BNC2: variants seen among roughly 807,000 people sequenced by gnomAD.
BNC2 encodes basonuclin zinc finger protein 2.
A neutral mutation model predicts 76.3 loss-of-function variants in BNC2; 20 were observed. The ratio of observed to expected loss-of-function variants is 0.26; its 90% CI spans 0.18 to 0.38. BNC2 has a LOEUF of 0.38. Ranked by LOEUF, BNC2 falls within the 10% of genes least tolerant of loss-of-function variation. The probability of loss-of-function intolerance (pLI) is 1.00; values close to 1 mark genes in which losing one functional copy is unlikely to be tolerated. For synonymous variants in BNC2, 582 were observed against 514.8 expected, an observed-to-expected ratio of 1.13 and a Z score of -1.77; for missense variants, 1,382 against 1,399.8, an observed-to-expected ratio of 0.99 and a Z score of 0.20.
intron 3 of BNC2, among the ~76,000 whole-genome samples, chr9:16,647,148 G>A (rs1353052000): frequency 1.3e-5 from 2 of 152,168 alleles, no homozygotes; most frequent in Non-Finnish European, 2.9e-5. Context: ...ACATATGGTT[G>A]TGTTTTCCTG....
intron 4 of BNC2, among the ~76,000 whole-genome samples, chr9:16,556,381 T>C (rs550833383): frequency 6.6e-6 from 1 of 152,176 alleles, no homozygotes; most frequent in South Asian, 2.1e-4. Flanking sequence ...GGACTAGATA[T>C]TTAATGGAAG....
chr9:16,689,502 T>C (rs1189556552), intron 3 of BNC2, among the ~76,000 whole-genome samples: 1 of 152,170 alleles, frequency 6.6e-6, no homozygotes, highest in Non-Finnish European at 1.5e-5. Context: ...ATAAACAAAC[T>C]AACTTCCATG....
chr9:16,820,265 A>C (rs950563132), intron 1 of BNC2, among the ~76,000 whole-genome samples: 2 of 151,232 alleles, frequency 1.3e-5, no homozygotes, highest in African/African-American at 4.9e-5. Flanking sequence ...GTCTCTACCA[A>C]ATATACAAAA....
chr9:16,725,217 T>TCACTCACACACACA (rs929934068), intron 3 of BNC2, among the ~76,000 whole-genome samples: 3 of 148,162 alleles, frequency 2.0e-5, no homozygotes, highest in African/African-American at 5.1e-5. Flanking sequence ...TCTCTCTCTC[T>TCACTCACACACACA]CACACACACA....
intron 3 of BNC2, among the ~76,000 whole-genome samples, chr9:16,593,043 G>A (rs1228256885): frequency 6.6e-6 from 1 of 151,866 alleles, no homozygotes; most frequent in East Asian, 1.9e-4. Context: ...TCTCAGTTAT[G>A]ATGCTCAGCA....
At chr9:16,714,319 T>G (rs983847715) in intron 3 of BNC2, among the ~76,000 whole-genome samples, 1 of 152,246 alleles carries the variant, frequency 6.6e-6, no homozygotes, top group African/African-American at 2.4e-5. Context: ...TATATTCTTT[T>G]ATCCTCCATT....
intron 3 of BNC2, among the ~76,000 whole-genome samples, chr9:16,641,652 C>G (rs992718663): frequency 6.6e-6 from 1 of 152,186 alleles, no homozygotes; most frequent in Non-Finnish European, 1.5e-5. Context: ...ACATAAGTGT[C>G]TGAAATCAGT....
Position 16,650,439 on chromosome 9 carries a change from A to G in BNC2, c.331-67354T>C, listed in dbSNP as rs138433201. ...CTTTAAAGAAAATTAAAGCCTTTTC[A>G]GTTCTTCATTCTTCCCTGTACACTC... On this transcript the variant is annotated intron_variant, in intron 3 of 6. Transcript: ENST00000380672. Among the ~76,000 whole-genome samples the G allele has an allele frequency of 4.2e-3, 643 of 152,266 alleles. 9 individuals carry two copies. Among genetic ancestry groups the G allele is most frequent in the Non-Finnish European group, 3.6e-3 (242 of 68,008 alleles).
At chr9:16,459,760 A>G (rs1304035707) in intron 5 of BNC2, among the ~76,000 whole-genome samples, 1 of 152,204 alleles carries the variant, frequency 6.6e-6, no homozygotes, top group Non-Finnish European at 1.5e-5. Flanking sequence ...AGTCTAGTGG[A>G]AAGTTGGGGC....
rs572505287 is a variant in BNC2, at chr9:16,869,206, G to A, written c.3+1440C>T. ...AACACGGCTTTCAACAATTCCAAGTGTCCACGAAGTATATAAAAATAAAAC... is the reference window on the plus strand; with the variant it reads ...AACACGGCTTTCAACAATTCCAAGTATCCACGAAGTATATAAAAATAAAAC... On this transcript the variant is annotated intron_variant, in intron 1 of 6. Transcript: ENST00000380672. Among the ~76,000 whole-genome samples, 34 of 111,780 alleles carry A rather than the reference G, an allele frequency of 3.0e-4. No individual in the cohort carries two copies. The East Asian group carries it at 7.2e-3, about 24-fold the overall frequency. The allele number at this position is 111,780 out of a possible 152,430, so 73.3% of individuals were successfully genotyped here. A position where few individuals can be genotyped will look rare whatever the true frequency, so the allele number is the denominator to read the frequency against.
At chr9:16,606,239 G>GA (rs1820380039) in intron 3 of BNC2, among the ~76,000 whole-genome samples, 2 of 151,904 alleles carry the variant, frequency 1.3e-5, no homozygotes, top group Admixed American at 6.5e-5. Context: ...TGAGAGAATA[G>GA]AAAAAATATT....
At chr9:16,564,529 A>C (rs1184567779) in intron 4 of BNC2, among the ~76,000 whole-genome samples, 3 of 152,104 alleles carry the variant, frequency 2.0e-5, no homozygotes, top group Admixed American at 2.0e-4. Flanking sequence ...ACCTGTGATC[A>C]TTTGCCCCTA....
intron 3 of BNC2, among the ~76,000 whole-genome samples, chr9:16,700,754 G>A (rs1823485932): frequency 6.6e-6 from 1 of 152,112 alleles, no homozygotes; most frequent in Non-Finnish European, 1.5e-5. Flanking sequence ...GAAGTCCAGA[G>A]TTCGAAACCA....
At chr9:16,835,265 TTTTC>T (rs1434199706) in intron 1 of BNC2, among the ~76,000 whole-genome samples, 3 of 152,238 alleles carry the variant, frequency 2.0e-5, no homozygotes, top group Non-Finnish European at 4.4e-5. Context: ...TAGCATTGAT[TTTTC>T]TTTGTTAAGT....
In BNC2 at chr9:16,656,443, C is replaced by G. The variant is rs1821932569; in HGVS notation, c.330+71354G>C. 2.6e-5 allele frequency among the ~76,000 whole-genome samples: 4 copies of G among 152,194 alleles called. No homozygotes were observed. In the South Asian group the frequency reaches 8.3e-4, roughly 32 times the overall value. The stretch of plus-strand genomic sequence containing the variant: ...ACAGTACCAGTAGGAGAAACAGCCT[C>G]AAGAATGTTGAAAGTGGAGTCTGAA... On this transcript the variant is annotated intron_variant, in intron 3 of 6. Coordinates refer to ENST00000380672, the MANE Select transcript of BNC2 (RefSeq NM_017637.6).
chr9:16,857,372 G>A (rs1245931902), intron 1 of BNC2, among the ~76,000 whole-genome samples: 2 of 151,578 alleles, frequency 1.3e-5, no homozygotes, highest in Non-Finnish European at 2.9e-5. Flanking sequence ...AGCTACTCGG[G>A]AGGCTAAGGC....
intron 3 of BNC2, among the ~76,000 whole-genome samples, chr9:16,639,558 T>C (rs1355182213): frequency 6.6e-6 from 1 of 152,134 alleles, no homozygotes; most frequent in Non-Finnish European, 1.5e-5. Context: ...TTTATGTCCT[T>C]ATTAACAACA....
chr9:16,419,057 G>A lies in BNC2; in HGVS notation c.3232C>T (p.Arg1078Ter). ...PGCNMMFSSV[R>*]SRNRHSQNPN... ...TTCTGACTGTGCCGATTTCGGCTTC[G>A]TACAGAGGAAAACATCATATTGCAA... The change falls in exon 7 of 7, where the codon CGA becomes TGA. Residue 1078 changes from arginine (R) to a stop codon, truncating the protein, a stop_gained. Coordinates refer to ENST00000380672, the MANE Select transcript of BNC2 (RefSeq NM_017637.6). LOFTEE classifies it high-confidence loss of function. 6.2e-7 allele frequency: 1 copy of A among 1,614,142 alleles called. No homozygotes were observed. Among genetic ancestry groups the A allele is most frequent in the Non-Finnish European group, 8.5e-7 (1 of 1,180,032 alleles).
chr9:16,436,109 G>A lies in BNC2; in HGVS notation c.2085C>T (p.Asn695=), dbSNP rs1373725809. Residue 695 remains asparagine, a synonymous_variant, in exon 6 of 7, where the codon AAC becomes AAT. Coordinates refer to ENST00000380672, the MANE Select transcript of BNC2 (RefSeq NM_017637.6). The stretch of plus-strand genomic sequence containing the variant: ...CAGTCCTTGAAATGCACCGGGTCCT[G>A]TTATGCTTAGAAAAGTCCTTCACAG... The part of the protein sequence containing the change: ...GMSVKDFSKH[N]RTRCISRTEI... 4 of 1,614,164 alleles carry A rather than the reference G, an allele frequency of 2.5e-6. No homozygotes were observed. The South Asian group carries it at 4.4e-5, about 18-fold the overall frequency.
Sources: gnomAD v4.1 joint callset for allele counts (sites outside exome capture counted in the v4.1 genomes callset) on GRCh38, gnomAD v4.1.1 for gene constraint, MANE v1.5 for transcripts, NCBI Gene and HGNC (gene_info 2026-07-23, HGNC 2026-07-21) for gene names.